The following GALNTL6 variants were observed in gnomAD, a reference collection of about 807,000 sequenced individuals.
GALNTL6 encodes the protein polypeptide N-acetylgalactosaminyltransferase-like 6.
Under a neutral mutation model 73.7 loss-of-function variants are expected in GALNTL6, and 46 were observed. The observed-to-expected ratio is 0.62, with a 90% CI of 0.49 to 0.80. The LOEUF (loss-of-function observed/expected upper bound fraction) is 0.80. GALNTL6 is among the 30% of genes least tolerant of loss of function. GALNTL6 has a pLI of 0.00. For synonymous variants in GALNTL6, 259 were observed against 263.7 expected (o/e 0.98, Z 0.17); for missense variants, 604 against 755.0 (o/e 0.80, Z 2.34).
intron 5 of GALNTL6, among the ~76,000 whole-genome samples, chr4:172,683,355 A>C (rs746789833): frequency 6.6e-6 from 1 of 152,236 alleles, no homozygotes; most frequent in Admixed American, 6.5e-5. Flanking sequence ...CTTGATAATG[A>C]GAAATGGTTT....
intron 2 of GALNTL6, among the ~76,000 whole-genome samples, chr4:172,005,902 T>G (rs1396304998): frequency 1.3e-5 from 2 of 152,176 alleles, no homozygotes; most frequent in African/African-American, 4.8e-5. Context: ...CAGCAGCACT[T>G]TGGTTCACCT....
intron 5 of GALNTL6, among the ~76,000 whole-genome samples, chr4:172,538,505 A>G (rs934866655): frequency 3.3e-5 from 5 of 152,044 alleles, no homozygotes; most frequent in Non-Finnish European, 5.9e-5. Flanking sequence ...TTCAAACCAT[A>G]ATGAGAAGAG....
intron 5 of GALNTL6, among the ~76,000 whole-genome samples, chr4:172,420,222 A>G (rs1731002861): frequency 1.3e-5 from 2 of 152,234 alleles, no homozygotes; most frequent in South Asian, 2.1e-4. Flanking sequence ...AGAAAGTGAC[A>G]TGAATATCGT....
intron 3 of GALNTL6, among the ~76,000 whole-genome samples, chr4:172,283,571 A>G (rs1430717944): frequency 6.6e-6 from 1 of 152,160 alleles, no homozygotes; most frequent in Non-Finnish European, 1.5e-5. Flanking sequence ...AGAAGTAGAA[A>G]CTAGCACAAA....
intron 5 of GALNTL6, among the ~76,000 whole-genome samples, chr4:172,393,497 A>T (rs1185973540): frequency 6.6e-6 from 1 of 152,322 alleles, no homozygotes; most frequent in South Asian, 2.1e-4. Context: ...TTTCATTTTC[A>T]GGAAACATCA....
intron 3 of GALNTL6, among the ~76,000 whole-genome samples, chr4:172,240,156 T>C (rs1486936943): frequency 6.6e-6 from 1 of 152,186 alleles, no homozygotes; most frequent in Non-Finnish European, 1.5e-5. Context: ...TCCCTTTTTT[T>C]CTGGGACACC....
intron 5 of GALNTL6, among the ~76,000 whole-genome samples, chr4:172,387,224 T>C (rs1231102605): frequency 6.6e-6 from 1 of 152,184 alleles, no homozygotes; most frequent in Non-Finnish European, 1.5e-5. Flanking sequence ...AGCACCTATG[T>C]AGTAATCTTT....
intron 5 of GALNTL6, among the ~76,000 whole-genome samples, chr4:172,350,012 T>C (rs1741889841): frequency 6.6e-6 from 1 of 152,122 alleles, no homozygotes; most frequent in African/African-American, 2.4e-5. Context: ...TTCACTTTTT[T>C]ATTCTAATTG....
At chr4:172,817,980 C>A (rs1369340217) in intron 7 of GALNTL6, among the ~76,000 whole-genome samples, 1 of 152,178 alleles carries the variant, frequency 6.6e-6, no homozygotes, top group Non-Finnish European at 1.5e-5. Context: ...AGTTGCCATG[C>A]CTATACTGCC....
chr4:172,027,605 T>C (rs981715348), intron 2 of GALNTL6, among the ~76,000 whole-genome samples: 1 of 146,262 alleles, frequency 6.8e-6, no homozygotes, highest in African/African-American at 2.5e-5. Context: ...TCTAATGGCC[T>C]GTAGTGAAAA....
intron 2 of GALNTL6, among the ~76,000 whole-genome samples, chr4:171,819,581 T>TTGTG (rs1560800528): frequency 6.6e-6 from 1 of 152,080 alleles, no homozygotes; most frequent in African/African-American, 2.4e-5. Flanking sequence ...GATTGAATTT[T>TTGTG]TTTGTTTGTT....
At chr4:172,751,294 T>G (rs77612997) in intron 5 of GALNTL6, among the ~76,000 whole-genome samples, 1 of 152,212 alleles carries the variant, frequency 6.6e-6, no homozygotes, top group Non-Finnish European at 1.5e-5. Flanking sequence ...TGATTTTAAC[T>G]GTAGGTGTTT....
chr4:172,262,825 T>A (rs554742834), intron 3 of GALNTL6, among the ~76,000 whole-genome samples: 1 of 151,712 alleles, frequency 6.6e-6, no homozygotes, highest in Non-Finnish European at 1.5e-5. Context: ...TAGTGGCAAA[T>A]TTTCTCAGCA....
chr4:171,867,848 A>T (rs989593584), intron 2 of GALNTL6, among the ~76,000 whole-genome samples: 1 of 152,064 alleles, frequency 6.6e-6, no homozygotes, highest in Non-Finnish European at 1.5e-5. Flanking sequence ...CTCATTCACA[A>T]TTTGCTTTAT....
chr4:172,484,762 TC>T, intron 5 of GALNTL6, among the ~76,000 whole-genome samples: 2 of 152,296 alleles, frequency 1.3e-5, no homozygotes, highest in South Asian at 4.1e-4. Context: ...ATTACTATTC[TC>T]CATTTACACA....
chr4:171,953,842 C>G (rs1355238843), intron 2 of GALNTL6, among the ~76,000 whole-genome samples: 1 of 152,002 alleles, frequency 6.6e-6, no homozygotes, highest in Non-Finnish European at 1.5e-5. Context: ...TTAAGAAAAT[C>G]AAACAGAAAT....
chr4:172,875,667 T>C lies in GALNTL6; in HGVS notation c.924-7123T>C, dbSNP rs191725221. Among the ~76,000 whole-genome samples, 40 of 151,802 alleles carry C rather than the reference T, an allele frequency of 2.6e-4. No homozygotes were observed. In the East Asian group the frequency reaches 7.5e-3, roughly 29 times the overall value. On this transcript the variant is annotated intron_variant, in intron 7 of 12. Coordinates refer to ENST00000506823, the MANE Select transcript of GALNTL6 (RefSeq NM_001034845.3). ...AGGCGAAGCTATCTATCACTTATTG[T>C]AGGAATGACGAAGGGAATTTTGGAA...
At chr4:173,015,179 A>G (rs773708266) in intron 11 of GALNTL6, among the ~76,000 whole-genome samples, 4 of 152,190 alleles carry the variant, frequency 2.6e-5, no homozygotes, top group Non-Finnish European at 4.4e-5. Context: ...TGAATTAAAC[A>G]TCTCTCATTT....
rs146668321 is a variant in GALNTL6, at chr4:172,278,268, T to C, written c.248-33346T>C. Among the ~76,000 whole-genome samples the C allele has an allele frequency of 4.5e-3, 692 of 152,304 alleles. 7 individuals are homozygous for C. The highest frequency in any genetic ancestry group is 0.016 in the African/African-American group (654 of 41,568). ...AAGATATTTCTTTGTTTATGAACCT[T>C]TGTGTTGGACCTGGGCTTAAAAAGC... is the stretch of plus-strand genomic sequence containing the variant. On this transcript the variant is annotated intron_variant, in intron 3 of 12. Transcript: ENST00000506823.
Sources: gnomAD v4.1 joint callset for allele counts (sites outside exome capture counted in the v4.1 genomes callset) on GRCh38, gnomAD v4.1.1 for gene constraint, MANE v1.5 for transcripts, NCBI Gene and HGNC (gene_info 2026-07-23, HGNC 2026-07-21) for gene names.